The following LENG8 variants were observed in gnomAD, a reference collection of about 807,000 sequenced individuals.
The protein encoded by LENG8 is leukocyte receptor cluster member 8.
In LENG8, 28 loss-of-function variants were observed where a neutral mutation model predicts 102.1. The ratio of observed to expected loss-of-function variants is 0.27; its 90% CI spans 0.20 to 0.38. The LOEUF is 0.38. Among genes scored for constraint, LENG8 ranks in the 10% least tolerant of loss-of-function variants. The pLI is 1.00. For synonymous variants in LENG8, 531 were observed against 456.7 expected, an observed-to-expected ratio of 1.16 and a Z score of -2.07; for missense variants, 1,022 against 1,113.9, an observed-to-expected ratio of 0.92 and a Z score of 1.17.
intron 15 of LENG8, chr19:54,460,267 C>G (rs2084462436): frequency 7.8e-7 from 1 of 1,276,808 alleles, no homozygotes; most frequent in African/African-American, 1.5e-5. Context: ...GTGCTAGATG[C>G]TCAGTCAGTA....
intron 1 of LENG8, among the ~76,000 whole-genome samples, chr19:54,450,481 C>T (rs961227981): frequency 2.0e-4 from 31 of 152,162 alleles, no homozygotes; most frequent in African/African-American, 7.0e-4. Context: ...CCCCTCGATG[C>T]TCCCTGAAAG....
rs770459216 is a variant in LENG8, at chr19:54,454,418, T to C, written c.427-12T>C. ...TCTGCCTCCCGTGCTCAGCGCCTGC[T>C]TCCTTCTGCAGCCCCCAGTCCCCGG... is the stretch of plus-strand genomic sequence containing the variant. On this transcript the variant is annotated splice_polypyrimidine_tract_variant and intron_variant, in intron 5 of 15. Coordinates refer to ENST00000326764, the MANE Select transcript of LENG8 (RefSeq NM_052925.4). 15 of 1,592,498 alleles carry C rather than the reference T, an allele frequency of 9.4e-6. No individual in the cohort carries two copies. In the South Asian group the frequency reaches 1.1e-4, roughly 12 times the overall value.
At position 54,458,181 on chromosome 19, in the gene LENG8, G is replaced by A; in HGVS notation, c.1981G>A (p.Glu661Lys). The A allele has an allele frequency of 1.2e-6, 2 of 1,614,220 alleles. No individual in the cohort carries two copies. Among genetic ancestry groups the A allele is most frequent in the Non-Finnish European group, 1.7e-6 (2 of 1,180,048 alleles). The change falls in exon 14 of 16, where the codon GAG (glutamate) becomes AAG (lysine). Residue 661 changes from glutamate to lysine, a missense_variant. This residue lies in a region of LENG8 where 158 missense variants were observed against 229.0 expected (regional missense o/e 0.69). Coordinates refer to ENST00000326764, the MANE Select transcript of LENG8 (RefSeq NM_052925.4). ...YAENLPGNVGEFTAYRILYYI... is the reference protein window; with the variant it reads ...YAENLPGNVGKFTAYRILYYI... ...CGAGAACTTGCCTGGCAATGTGGGC[G>A]AGTTTACTGCCTACCGAATCCTCTA...
At position 54,460,796 on chromosome 19, in the gene LENG8, G is replaced by A; in HGVS notation, c.2271G>A (p.Leu757=). The change falls in exon 16 of 16, where the codon CTG becomes CTA. Residue 757 remains leucine, a synonymous_variant. Transcript: ENST00000326764. The part of the protein sequence containing the change: ...TFRPALPVSY[L]QAELAFEGEA... ...GCCCTGCGCTGCCAGTCTCCTACCT[G>A]CAGGCCGAGCTGGCCTTCGAGGGCG... 1 of 1,455,370 alleles carries A rather than the reference G, an allele frequency of 6.9e-7. No individual in the cohort carries two copies. The highest frequency in any genetic ancestry group is 9.2e-7 in the Non-Finnish European group (1 of 1,085,614). 90.2% of individuals were successfully genotyped at this position (1,455,370 alleles called of 1,614,324 possible).
Position 54,454,693 on chromosome 19 carries a change from A to C in LENG8, c.679+11A>C. On this transcript the variant is annotated intron_variant, in intron 6 of 15. Coordinates refer to ENST00000326764, the MANE Select transcript of LENG8 (RefSeq NM_052925.4). ...GGAACCGCATGAAACGTAAGTTGGC[A>C]GAGCTACGTGGAGGTCCGAGCGGTT... 1 of 1,584,228 alleles carries C rather than the reference A, an allele frequency of 6.3e-7. No homozygotes were observed. Among genetic ancestry groups the C allele is most frequent in the South Asian group, 1.1e-5 (1 of 89,580 alleles).
rs1241744749 is a variant in LENG8 at position 54,455,968 on chromosome 19, C to T, written c.1027C>T (p.Leu343=). Residue 343 remains leucine (L), a splice_region_variant and synonymous_variant, in exon 9 of 16, where the codon CTG becomes TTG. Transcript: ENST00000326764. ...CGCCCTGCCCTGCTGTATTCTCAGG[C>T]TGACCCGGGAGCCTGTGGCTGAGAG... ...IDWSREPLPG[L]TREPVAESPK... is the part of the protein sequence containing the mutation. 1.2e-6 allele frequency: 2 copies of T among 1,611,100 alleles called. No individual in the cohort carries two copies. Among genetic ancestry groups the T allele is most frequent in the Admixed American group, 1.7e-5 (1 of 59,686 alleles).
In LENG8 at chr19:54,452,116, C is replaced by T. The variant is rs748734307; in HGVS notation, c.62C>T (p.Ala21Val). The T allele has an allele frequency of 1.9e-6, 3 of 1,613,780 alleles. No individual in the cohort carries two copies. The East Asian group carries it at 6.7e-5, about 36-fold the overall frequency. The change falls in exon 3 of 16, where the codon GCT (alanine) becomes GTT (valine). Residue 21 changes from alanine (A) to valine (V), a missense_variant. By Grantham distance (64) the Ala-to-Val change is moderately conservative. Around this residue, in one of 7 missense-constraint regions of LENG8, gnomAD observed 37 missense variants for 46.3 expected, o/e 0.80. Transcript: ENST00000326764. The stretch of plus-strand genomic sequence containing the variant: ...AGGTCTTCTCAGTACAGCATGGTGG[C>T]TGGGGCAGGCCGAGAGAATGGCATG... Reference protein sequence around the residue: ...TDWSSQYSMVAGAGRENGMET... With the variant: ...TDWSSQYSMVVGAGRENGMET...
intron 3 of LENG8, 68 bp downstream of exon 3, chr19:54,452,335 C>T (rs1176320735): frequency 2.9e-6 from 4 of 1,389,468 alleles, no homozygotes; most frequent in Non-Finnish European, 4.0e-6. Flanking sequence ...GTCTGGCGTC[C>T]TGTTGTATCA....
At chr19:54,451,223 C>A in intron 1 of LENG8, 67 bp from the exon 2 acceptor site, 1 of 1,034,318 alleles carries the variant, frequency 9.7e-7, no homozygotes, top group Non-Finnish European at 1.5e-6. Flanking sequence ...ATCTACTTTT[C>A]TTCCCCACTT....
chr19:54,453,145 A>T (rs185789258), intron 4 of LENG8, among the ~76,000 whole-genome samples: 5 of 152,202 alleles, frequency 3.3e-5, no homozygotes, highest in Non-Finnish European at 7.4e-5. Context: ...TGAAAGTAGC[A>T]TTCCTGCCTC....
intron 5 of LENG8, among the ~76,000 whole-genome samples, chr19:54,454,141 C>T (rs1004952514): frequency 3.9e-5 from 6 of 152,050 alleles, no homozygotes; most frequent in South Asian, 4.1e-4. Context: ...GGTGTGTTGT[C>T]GGTGGCTGTT....
chr19:54,451,900 T>C (rs913771637), intron 2 of LENG8, 193 bp from the exon 3 acceptor site: 18 of 531,574 alleles, frequency 3.4e-5, no homozygotes, highest in Non-Finnish European at 5.9e-5. Context: ...CTTAAGTAGG[T>C]GATCTCATTT....
At position 54,458,706 on chromosome 19, in the gene LENG8, C is replaced by T. The variant is rs953344762; in HGVS notation, c.2240+185C>T. On this transcript the variant is annotated intron_variant, in intron 15 of 15. Coordinates refer to ENST00000326764, the MANE Select transcript of LENG8 (RefSeq NM_052925.4). ...AGTTCCTCTTGCTCTCCTTGTTGGT[C>T]ACCTCTGTGTTCCGGGTCACTCCTC... 5.8e-6 allele frequency: 9 copies of T among 1,551,288 alleles called. No homozygotes were observed. In the East Asian group the frequency reaches 2.2e-4, roughly 38 times the overall value.
At chr19:54,456,949 C>G (rs1333269372) in intron 11 of LENG8, 28 bp downstream of exon 11, 24 of 1,577,182 alleles carry the variant, frequency 1.5e-5, no homozygotes, top group African/African-American at 2.7e-5. Context: ...CAGTTCTGCT[C>G]TGTGAGGCCG....
intron 15 of LENG8, chr19:54,460,159 T>G: frequency 1.6e-6 from 2 of 1,289,960 alleles, no homozygotes; most frequent in Non-Finnish European, 2.0e-6. Context: ...GTTCTAGGAC[T>G]TAGTGCCCCT....
rs1446432839 is a variant in LENG8 at position 54,457,992 on chromosome 19, C to T, written c.1892C>T (p.Ala631Val). ...GTGTACGAGACCCATGCCCGGATCG[C>T]CTTGGAGAAGGTGAGCTGGCCTCTG... Reference protein sequence around the residue: ...VEVYETHARIALEKGDHEEFN... With the variant: ...VEVYETHARIVLEKGDHEEFN... Residue 631 changes from alanine to valine, a missense_variant, in exon 13 of 16, where the codon GCC becomes GTC. By Grantham distance (64) the Ala-to-Val change is moderately conservative. This residue lies in a region of LENG8 where 158 missense variants were observed against 229.0 expected (regional missense o/e 0.69). Coordinates refer to ENST00000326764, the MANE Select transcript of LENG8 (RefSeq NM_052925.4). The T allele has an allele frequency of 6.2e-7, 1 of 1,613,556 alleles. No homozygotes were observed. Among genetic ancestry groups the T allele is most frequent in the Non-Finnish European group, 8.5e-7 (1 of 1,180,046 alleles).
chr19:54,449,669 G>C (rs1253186559), intron 1 of LENG8: 1 of 152,320 alleles, frequency 6.6e-6, no homozygotes, highest in Non-Finnish European at 1.5e-5. Flanking sequence ...TGGCTCCGTG[G>C]CTAGTCGTGG....
In LENG8 at chr19:54,452,210, A is replaced by G. The variant is rs766562037; in HGVS notation, c.156A>G (p.Ser52=). The G allele has an allele frequency of 6.8e-6, 11 of 1,614,012 alleles. No individual in the cohort carries two copies. In the South Asian group the frequency reaches 1.2e-4, roughly 18 times the overall value. The change falls in exon 3 of 16, where the codon TCA becomes TCG. Residue 52 remains serine (S), a synonymous_variant. Coordinates refer to ENST00000326764, the MANE Select transcript of LENG8 (RefSeq NM_052925.4). Reference sequence around the variant, plus strand: ...AGGCCCTGGCCAGCATCAGCAAGTCAGGAGCTGCCGGCGGCTCTGCCAAGT... The same window carrying G: ...AGGCCCTGGCCAGCATCAGCAAGTCGGGAGCTGCCGGCGGCTCTGCCAAGT... ...ARQALASISK[S]GAAGGSAKSS... is the part of the protein sequence containing the mutation.
intron 15 of LENG8, chr19:54,459,109 G>C (rs2084402941): frequency 1.5e-6 from 2 of 1,371,760 alleles, no homozygotes; most frequent in Non-Finnish European, 1.9e-6. Context: ...GGGATGAGTT[G>C]CTTGACTCAT....
Sources: gnomAD v4.1 joint callset for allele counts (sites outside exome capture counted in the v4.1 genomes callset) on GRCh38, gnomAD v4.1.1 for gene constraint, gnomAD v4.1.1 regional missense constraint, MANE v1.5 for transcripts, NCBI Gene and HGNC (gene_info 2026-07-23, HGNC 2026-07-21) for gene names.